Variants in GGACT observed in about 807,000 individuals in gnomAD.
The protein encoded by GGACT is gamma-glutamylaminecyclotransferase.
For synonymous variants in GGACT, 118 were observed against 115.3 expected, an observed-to-expected ratio of 1.02 and a Z score of -0.15; for missense variants, 241 against 233.2, an observed-to-expected ratio of 1.03 and a Z score of -0.22.
rs2088323591 is a variant in GGACT, at chr13:100,530,408, A to AATC, written c.*1719_*1721dup. ...GTGAGATTCCCTAGTGTCAAAATTAAATCAATAAAACTGAGCATTTGTCTA... is the reference window on the plus strand; with the variant it reads ...GTGAGATTCCCTAGTGTCAAAATTAAATCATCAATAAAACTGAGCATTTGTCTA... On this transcript the variant is annotated 3_prime_UTR_variant, in exon 3 of 3. Coordinates refer to ENST00000683975, the MANE Select transcript of GGACT (RefSeq NM_001195087.2). 3.4e-6 allele frequency: 2 copies of AATC among 588,920 alleles called. No individual in the cohort carries two copies. Among genetic ancestry groups the AATC allele is most frequent in the Non-Finnish European group, 6.1e-6 (2 of 330,034 alleles). The allele number at this position is 588,920 out of a possible 1,614,324, so 36.5% of individuals were successfully genotyped here.
chr13:100,587,855 G>A (rs1875627140), intron 1 of GGACT, among the ~76,000 whole-genome samples: 1 of 152,176 alleles, frequency 6.6e-6, no homozygotes, highest in Non-Finnish European at 1.5e-5. Context: ...GTGAAACCCT[G>A]TCTCTACTAA....
chr13:100,581,791 T>C (rs947240102), intron 2 of GGACT, among the ~76,000 whole-genome samples: 5 of 152,202 alleles, frequency 3.3e-5, no homozygotes, highest in Non-Finnish European at 7.3e-5. Flanking sequence ...AGAGAAGTCA[T>C]GTAGACAGTA....
intron 2 of GGACT, chr13:100,580,207 C>T (rs545952171): frequency 6.6e-6 from 1 of 152,438 alleles, no homozygotes; most frequent in East Asian, 1.9e-4. Flanking sequence ...CAAACATGTC[C>T]ATGCCCTAAT....
At chr13:100,566,019 G>A (rs766046782) in intron 2 of GGACT, among the ~76,000 whole-genome samples, 10 of 151,952 alleles carry the variant, frequency 6.6e-5, no homozygotes, top group African/African-American at 1.9e-4. Context: ...GAGATGCCAC[G>A]TAGAGAAGAA....
chr13:100,561,141 C>T (rs1047457579), intron 2 of GGACT, among the ~76,000 whole-genome samples: 4 of 152,210 alleles, frequency 2.6e-5, no homozygotes, highest in African/African-American at 9.6e-5. Flanking sequence ...GGCATTTTAA[C>T]CTCTCCATTT....
chr13:100,558,890 G>C (rs1022620562), intron 2 of GGACT, among the ~76,000 whole-genome samples: 12 of 152,018 alleles, frequency 7.9e-5, no homozygotes, highest in African/African-American at 2.9e-4. Context: ...TTAGATGAGA[G>C]GAGTTAAAAA....
rs201797628 is a variant in GGACT, at chr13:100,531,805, T to A, written c.*325A>T. The A allele has an allele frequency of 1.6e-5, 1 of 63,530 alleles. No individual in the cohort carries two copies. Among genetic ancestry groups the A allele is most frequent in the Non-Finnish European group, 2.3e-5 (1 of 43,786 alleles). The allele number at this position is 63,530 out of a possible 1,614,324, so 3.9% of individuals were successfully genotyped here. On this transcript the variant is annotated 3_prime_UTR_variant, in exon 3 of 3. Transcript: ENST00000683975. ...AGTCTTTACACTGATCCTAAATATTTATTATTATCTTGAGCTCAAAGCAGA... is the reference window on the plus strand; with the variant it reads ...AGTCTTTACACTGATCCTAAATATTAATTATTATCTTGAGCTCAAAGCAGA...
intron 2 of GGACT, among the ~76,000 whole-genome samples, chr13:100,543,614 T>C (rs1252343971): frequency 2.0e-5 from 3 of 152,210 alleles, no homozygotes; most frequent in Non-Finnish European, 2.9e-5. Flanking sequence ...AATCTGTATG[T>C]CATCATGTCA....
chr13:100,542,752 C>A (rs2088566605), intron 2 of GGACT, among the ~76,000 whole-genome samples: 1 of 152,152 alleles, frequency 6.6e-6, no homozygotes, highest in Non-Finnish European at 1.5e-5. Context: ...GTGGAACAGG[C>A]TCAGAGAGTC....
chr13:100,578,620 C>T (rs1214618560), intron 2 of GGACT, among the ~76,000 whole-genome samples: 3 of 152,204 alleles, frequency 2.0e-5, no homozygotes, highest in Admixed American at 1.3e-4. Context: ...ACTTAGACTT[C>T]GTCAATGTTC....
chr13:100,577,566 T>G (rs1190381116), intron 2 of GGACT, among the ~76,000 whole-genome samples: 1 of 152,004 alleles, frequency 6.6e-6, no homozygotes, highest in Non-Finnish European at 1.5e-5. Flanking sequence ...TAATAAAATA[T>G]TTGGGGGTGA....
At chr13:100,580,727 T>C (rs1325954600) in intron 2 of GGACT, among the ~76,000 whole-genome samples, 1 of 152,224 alleles carries the variant, frequency 6.6e-6, no homozygotes, top group African/African-American at 2.4e-5. Context: ...GGGGAAGCTA[T>C]GAAATCTGCA....
At position 100,545,453 on chromosome 13, in the gene GGACT, C is replaced by A. The variant is rs545614367; in HGVS notation, c.-10-12852G>T. On this transcript the variant is annotated intron_variant, in intron 2 of 2. Coordinates refer to ENST00000683975, the MANE Select transcript of GGACT (RefSeq NM_001195087.2). The surrounding 1 kb of genome is among the most constrained non-coding windows in gnomAD (Gnocchi z 4.4). ...CCTGGAGGAGGGCACCCCCTCACTG[C>A]CCCCAAGCACTCCAGGGCCCCAGGC... 6.6e-6 allele frequency among the ~76,000 whole-genome samples: 1 copy of A among 152,154 alleles called. No individual in the cohort carries two copies. The highest frequency in any genetic ancestry group is 1.5e-5 in the Non-Finnish European group (1 of 68,008).
intron 2 of GGACT, among the ~76,000 whole-genome samples, chr13:100,550,261 G>T (rs1358898549): frequency 1.3e-5 from 2 of 149,410 alleles, no homozygotes; most frequent in East Asian, 2.0e-4. Context: ...AAGGAAACTG[G>T]ATGCGCTGAA....
At chr13:100,556,963 C>G (rs561257760) in intron 2 of GGACT, among the ~76,000 whole-genome samples, 1 of 152,200 alleles carries the variant, frequency 6.6e-6, no homozygotes, top group Non-Finnish European at 1.5e-5. Flanking sequence ...AATCTTGGCT[C>G]ACTGCAACCT....
intron 2 of GGACT, among the ~76,000 whole-genome samples, chr13:100,542,885 TCTC>T (rs893703415): frequency 7.2e-5 from 11 of 152,220 alleles, no homozygotes; most frequent in Admixed American, 2.0e-4. Context: ...ATTCAGCAGT[TCTC>T]CTTCTTGAAA....
At chr13:100,581,049 G>A (rs1330434022) in intron 2 of GGACT, among the ~76,000 whole-genome samples, 2 of 152,206 alleles carry the variant, frequency 1.3e-5, no homozygotes, top group Non-Finnish European at 2.9e-5. Flanking sequence ...TGATCCACGG[G>A]GTAAAGGATT....
At chr13:100,578,322 C>A (rs1875313368) in intron 2 of GGACT, among the ~76,000 whole-genome samples, 1 of 152,246 alleles carries the variant, frequency 6.6e-6, no homozygotes, top group African/African-American at 2.4e-5. Flanking sequence ...AAAACATCCA[C>A]TTATGCCACC....
Position 100,545,537 on chromosome 13 carries a change from G to T in GGACT, c.-10-12936C>A, listed in dbSNP as rs1182242772. ...CCAGTCACATCTGCCGTGGCCTCCTGAATCTAGAAGGTGCCCTCAGGGTTT... is the reference window on the plus strand; with the variant it reads ...CCAGTCACATCTGCCGTGGCCTCCTTAATCTAGAAGGTGCCCTCAGGGTTT... On this transcript the variant is annotated intron_variant, in intron 2 of 2. Coordinates refer to ENST00000683975, the MANE Select transcript of GGACT (RefSeq NM_001195087.2). The surrounding 1 kb of genome is among the most constrained non-coding windows in gnomAD (Gnocchi z 4.4). Among the ~76,000 whole-genome samples the T allele has an allele frequency of 6.6e-6, 1 of 152,224 alleles. No homozygotes were observed. Among genetic ancestry groups the T allele is most frequent in the Non-Finnish European group, 1.5e-5 (1 of 68,042 alleles).
Sources: gnomAD v4.1 joint callset for allele counts (sites outside exome capture counted in the v4.1 genomes callset) on GRCh38, gnomAD v4.1.1 for gene constraint, Gnocchi (gnomAD v3.1) non-coding constraint, MANE v1.5 for transcripts, NCBI Gene and HGNC (gene_info 2026-07-23, HGNC 2026-07-21) for gene names.